The following PHKA2 variants were observed in gnomAD, a reference collection of about 807,000 sequenced individuals.
PHKA2 encodes the protein phosphorylase kinase regulatory subunit alpha 2.
A neutral mutation model predicts 102.0 loss-of-function variants in PHKA2; 31 were observed. That is an observed-to-expected ratio of 0.30 (90% CI 0.23 to 0.41). The LOEUF is 0.41. Among genes scored for constraint, PHKA2 ranks in the 10% least tolerant of loss-of-function variants. The pLI is 1.00. For missense variants in PHKA2, 858 were observed against 1,023.1 expected, an observed-to-expected ratio of 0.84 and a Z score of 2.20; for synonymous variants, 455 against 416.2, an observed-to-expected ratio of 1.09 and a Z score of -1.13.
At chrX:18,898,092 C>T (rs781401660) in intron 29 of PHKA2, 1 of 112,956 alleles carries the variant, frequency 8.9e-6, no homozygotes, top group African/African-American at 3.2e-5. Flanking sequence ...GAGGACCTCG[C>T]AGATCAGGGT....
intron 1 of PHKA2, among the ~76,000 whole-genome samples, chrX:18,960,453 G>A (rs2048851054): frequency 8.9e-6 from 1 of 111,801 alleles, no homozygotes; most frequent in South Asian, 3.7e-4. Context: ...GGAGGTCTCA[G>A]GGAGCTTTTA....
rs56150148 is a variant in PHKA2 at position 18,925,820 on chromosome X, G to A, written c.1460-43C>T. ...GATAAATTGGAGTTAGAGGAAATACGGTTAACAAGTAATCCAGGCAACTCA... is the reference window on the plus strand; with the variant it reads ...GATAAATTGGAGTTAGAGGAAATACAGTTAACAAGTAATCCAGGCAACTCA... On this transcript the variant is annotated intron_variant, in intron 14 of 32. Coordinates refer to ENST00000379942, the MANE Select transcript of PHKA2 (RefSeq NM_000292.3). 8,604 of 886,571 alleles carry A rather than the reference G, an allele frequency of 9.7e-3. 39 individuals carry two copies. Among genetic ancestry groups the A allele is most frequent in the Middle Eastern group, 0.025 (76 of 3,073 alleles). 73.1% of individuals were successfully genotyped at this position (886,571 alleles called of 1,213,427 possible).
intron 1 of PHKA2, among the ~76,000 whole-genome samples, chrX:18,978,344 T>G (rs1601809489): frequency 9.0e-6 from 1 of 111,629 alleles, no homozygotes; most frequent in East Asian, 2.8e-4. Context: ...CTTTATTTCC[T>G]ACCCTCCCCA....
At chrX:18,903,837 C>G (rs745616160) in intron 26 of PHKA2, among the ~76,000 whole-genome samples, 1 of 112,061 alleles carries the variant, frequency 8.9e-6, no homozygotes, top group Non-Finnish European at 1.9e-5. Context: ...CAAGTGTGAT[C>G]GTATCACTGC....
At chrX:18,924,339 C>T (rs764043230) in intron 16 of PHKA2, 42 bp downstream of exon 16, 2 of 1,198,690 alleles carry the variant, frequency 1.7e-6, no homozygotes, top group South Asian at 3.5e-5. Flanking sequence ...GCCCAAACCA[C>T]CCCTGGGGCA....
Position 18,907,041 on chromosome X carries a change from C to T in PHKA2, c.2574G>A (p.Glu858=), listed in dbSNP as rs368415466. The change falls in exon 23 of 33, where the codon GAG becomes GAA. Residue 858 remains glutamate, a synonymous_variant. Transcript: ENST00000379942. ...ACGCAGAGATGATCTTCTCCCGGGG[C>T]TCGGGCGGCAGGCCCACGGTGAGCT... ...QKQLTVGLPP[E]PREKIISAPL... is the part of the protein sequence containing the mutation. The T allele has an allele frequency of 1.7e-6, 2 of 1,196,944 alleles. No homozygotes were observed. Among genetic ancestry groups the T allele is most frequent in the Non-Finnish European group, 2.3e-6 (2 of 888,006 alleles).
intron 13 of PHKA2, 107 bp from the exon 14 acceptor site, chrX:18,926,694 G>A (rs1663015355): frequency 4.0e-6 from 3 of 748,390 alleles, no homozygotes; most frequent in African/African-American, 4.1e-5. Context: ...ACATCAGCAT[G>A]CTCTTCCATG....
At chrX:18,896,074 A>C (rs971251821) in intron 30 of PHKA2, 1 of 112,280 alleles carries the variant, frequency 8.9e-6, no homozygotes, top group Middle Eastern at 4.5e-3. Context: ...AACCTTGAGC[A>C]AGTGGTGCCA....
At chrX:18,912,703 G>A (rs1326982348) in intron 19 of PHKA2, among the ~76,000 whole-genome samples, 3 of 109,980 alleles carry the variant, frequency 2.7e-5, no homozygotes, top group Admixed American at 9.7e-5. Context: ...ACCTGAGGTC[G>A]GGAGTTCAAG....
chrX:18,900,184 A>G (rs775309878), intron 28 of PHKA2, among the ~76,000 whole-genome samples: 1 of 111,782 alleles, frequency 8.9e-6, no homozygotes, highest in South Asian at 3.8e-4. Context: ...AATACACATC[A>G]AAATATTAGA....
chrX:18,914,623 ACTCT>A (rs2047989037), intron 19 of PHKA2, among the ~76,000 whole-genome samples: 1 of 111,643 alleles, frequency 9.0e-6, no homozygotes, highest in African/African-American at 3.3e-5. Flanking sequence ...CACCTCACTC[ACTCT>A]GACAGAAGAC....
chrX:18,973,127 C>A (rs1375710034), intron 1 of PHKA2, among the ~76,000 whole-genome samples: 3 of 111,321 alleles, frequency 2.7e-5, no homozygotes, highest in Non-Finnish European at 3.8e-5. Context: ...CTCAGCCTCC[C>A]GAGTAGCTGG....
chrX:18,974,116 C>T (rs2049053150), intron 1 of PHKA2, among the ~76,000 whole-genome samples: 1 of 110,578 alleles, frequency 9.0e-6, no homozygotes, highest in African/African-American at 3.3e-5. Context: ...TCTATCTGCT[C>T]TCATGCACGC....
intron 21 of PHKA2, 113 bp from the exon 22 acceptor site, chrX:18,908,169 T>C (rs948026473): frequency 5.4e-6 from 4 of 740,719 alleles, no homozygotes; most frequent in Non-Finnish European, 8.5e-6. Context: ...CCCCTGAGTC[T>C]CACTGAGAGG....
rs140994514 is a variant in PHKA2 at position 18,916,705 on chromosome X, T to C, written c.2137+1976A>G. Among the ~76,000 whole-genome samples the C allele has an allele frequency of 1.7e-4, 19 of 111,345 alleles. No homozygotes were observed. The East Asian group carries it at 5.4e-3, about 32-fold the overall frequency. On this transcript the variant is annotated intron_variant, in intron 19 of 32. Transcript: ENST00000379942. ...GCCATGTGAAGTGTCTGCTCCCCTT[T>C]TGTCTTCCGTCATGACTGGAAGCTT...
chrX:18,983,929 G>C lies in PHKA2; in HGVS notation c.4C>G (p.Arg2Gly), dbSNP rs140014925. 27 of 1,207,536 alleles carry C rather than the reference G, an allele frequency of 2.2e-5. No homozygotes were observed. The highest frequency in any genetic ancestry group is 4.3e-5 in the Admixed American group (2 of 46,033). Residue 2 changes from arginine (R) to glycine (G), a missense_variant, in exon 1 of 33, where the codon CGG becomes GGG. This residue lies in a region of PHKA2 where 187 missense variants were observed against 277.9 expected (regional missense o/e 0.67). Coordinates refer to ENST00000379942, the MANE Select transcript of PHKA2 (RefSeq NM_000292.3). ...CGGACCCCGGAATTGCTCCTGCTCCGCATCTCCCCGAGGCTCCCAGGCCGC... is the reference window on the plus strand; with the variant it reads ...CGGACCCCGGAATTGCTCCTGCTCCCCATCTCCCCGAGGCTCCCAGGCCGC... The part of the protein sequence containing the change: M[R>G]SRSNSGVRLD...
At chrX:18,940,766 C>T (rs770473208) in intron 8 of PHKA2, among the ~76,000 whole-genome samples, 13 of 111,787 alleles carry the variant, frequency 1.2e-4, no homozygotes, top group African/African-American at 4.2e-4. Context: ...CTAGCCCTAG[C>T]GACCAGCACC....
At position 18,892,617 on chromosome X, in the gene PHKA2, C is replaced by T. The variant is rs1476641940; in HGVS notation, c.*868G>A. 1 of 112,369 alleles carries T rather than the reference C, an allele frequency of 8.9e-6. No individual in the cohort carries two copies. The highest frequency in any genetic ancestry group is 3.2e-5 in the African/African-American group (1 of 30,921). The allele number at this position is 112,369 out of a possible 1,213,427, so 9.3% of individuals were successfully genotyped here. On this transcript the variant is annotated 3_prime_UTR_variant, in exon 33 of 33. Coordinates refer to ENST00000379942, the MANE Select transcript of PHKA2 (RefSeq NM_000292.3). Reference sequence around the variant, plus strand: ...TTCCATGGCACTGCTGACTTGTGCTCACCCTATGACGCCTCGCCCAGAGCA... The same window carrying T: ...TTCCATGGCACTGCTGACTTGTGCTTACCCTATGACGCCTCGCCCAGAGCA...
In PHKA2 at chrX:18,951,197, A is replaced by G; in HGVS notation, c.361T>C (p.Cys121Arg). The change falls in exon 4 of 33, where the codon TGT becomes CGT. Residue 121 changes from cysteine to arginine, a missense_variant. Physicochemically the swap from Cys to Arg is radical, Grantham distance 180 (BLOSUM62 -3). Transcript: ENST00000379942. ...SLHAKYNTAT[C>R]GTVVGDDQWG... ...TGGTCGTCGCCCACCACCGTGCCAC[A>G]GGTGGCGGTGTTGTACTTGGCGTGC... The G allele has an allele frequency of 8.3e-7, 1 of 1,210,047 alleles. No individual in the cohort carries two copies. Among genetic ancestry groups the G allele is most frequent in the Non-Finnish European group, 1.1e-6 (1 of 893,744 alleles).
Sources: gnomAD v4.1 joint callset for allele counts (sites outside exome capture counted in the v4.1 genomes callset) on GRCh38, gnomAD v4.1.1 for gene constraint, gnomAD v4.1.1 regional missense constraint, MANE v1.5 for transcripts, NCBI Gene and HGNC (gene_info 2026-07-23, HGNC 2026-07-21) for gene names.